Variants in NTRK2 observed in about 807,000 individuals in gnomAD.
NTRK2 encodes the protein neurotrophic receptor tyrosine kinase 2, also known as BDNF/NT-3 growth factors receptor.
NTRK2 carries 13 observed loss-of-function variants against 94.5 expected under a neutral mutation model. The observed-to-expected ratio is 0.14, with a 90% confidence interval of 0.09 to 0.22. NTRK2 has a LOEUF of 0.22. Ranked by LOEUF, NTRK2 falls within the 10% of genes least tolerant of loss-of-function variation. The pLI, the probability that NTRK2 is intolerant of heterozygous loss-of-function variation, is 1.00. For missense variants in NTRK2, 639 were observed against 1,071.2 expected, an observed-to-expected ratio of 0.60 and a Z score of 5.63; for synonymous variants, 372 against 407.4, an observed-to-expected ratio of 0.91 and a Z score of 1.05.
chr9:84,902,291 G>A lies in NTRK2; in HGVS notation c.1634-31871G>A, dbSNP rs542405082. ...GATCTTTGTCTTTTTCCTACAATGA[G>A]AAGGCAGAAAACTTCAAAAGATTCT... On this transcript the variant is annotated intron_variant, in intron 14 of 18. Transcript: ENST00000277120. Among the ~76,000 whole-genome samples, 5 of 151,852 alleles carry A rather than the reference G, an allele frequency of 3.3e-5. No individual in the cohort carries two copies. In the East Asian group the frequency reaches 9.7e-4, roughly 29 times the overall value.
intron 17 of NTRK2, among the ~76,000 whole-genome samples, chr9:84,975,769 C>T (rs531637835): frequency 1.3e-5 from 2 of 151,538 alleles, no homozygotes; most frequent in South Asian, 4.2e-4. Flanking sequence ...GTGATATTCA[C>T]ACAAATTGTG....
intron 15 of NTRK2, among the ~76,000 whole-genome samples, chr9:84,934,642 A>G (rs1410031470): frequency 6.6e-6 from 1 of 152,190 alleles, no homozygotes; most frequent in Non-Finnish European, 1.5e-5. Context: ...TCAAATTGTT[A>G]GGTGCTTGTT....
At chr9:84,694,049 C>A (rs1369140023) in intron 2 of NTRK2, among the ~76,000 whole-genome samples, 1 of 152,154 alleles carries the variant, frequency 6.6e-6, no homozygotes, top group Non-Finnish European at 1.5e-5. Flanking sequence ...TGTAAAGGTC[C>A]ATTGTGCAAA....
rs530363823 is a variant in NTRK2, at chr9:84,865,972, G to T, written c.1445-1271G>T. Among the ~76,000 whole-genome samples the T allele has an allele frequency of 2.6e-5, 4 of 152,294 alleles. No homozygotes were observed. In the South Asian group the frequency reaches 8.3e-4, roughly 32 times the overall value. On this transcript the variant is annotated intron_variant, in intron 13 of 18. Coordinates refer to ENST00000277120, the MANE Select transcript of NTRK2 (RefSeq NM_006180.6). ...GAGTTTAGTGGCTAATGGGTAAATT[G>T]TTTAGACAAGATACAGTAGACTGTA...
At chr9:84,727,169 G>A (rs1274684749) in intron 8 of NTRK2, among the ~76,000 whole-genome samples, 4 of 152,104 alleles carry the variant, frequency 2.6e-5, no homozygotes, top group Admixed American at 1.3e-4. Flanking sequence ...ATCTGTTTTC[G>A]AAGTTATGTG....
chr9:84,832,629 CTA>C (rs2073624725), intron 12 of NTRK2, among the ~76,000 whole-genome samples: 1 of 152,200 alleles, frequency 6.6e-6, no homozygotes, highest in African/African-American at 2.4e-5. Flanking sequence ...GCATTAATGT[CTA>C]TGGCTCCAGC....
intron 14 of NTRK2, among the ~76,000 whole-genome samples, chr9:84,897,280 G>T (rs770724291): frequency 1.3e-5 from 2 of 152,144 alleles, no homozygotes; most frequent in Non-Finnish European, 2.9e-5. Flanking sequence ...GGGATTACAG[G>T]CACGCACCAC....
intron 17 of NTRK2, among the ~76,000 whole-genome samples, chr9:84,999,169 C>T (rs1830077355): frequency 1.3e-5 from 2 of 149,472 alleles, no homozygotes; most frequent in African/African-American, 5.0e-5. Context: ...ATTTGAGCGT[C>T]TGTTTTATCC....
chr9:84,702,292 T>G, intron 3 of NTRK2, 56 bp from the exon 4 acceptor site: 2 of 1,608,452 alleles, frequency 1.2e-6, no homozygotes, highest in Middle Eastern at 1.7e-4. Context: ...TCTGCTCTGG[T>G]CAGGCAGGCA....
intron 12 of NTRK2, chr9:84,812,407 C>A: frequency 9.5e-7 from 1 of 1,056,942 alleles, no homozygotes; most frequent in Non-Finnish European, 1.1e-6. Context: ...TCAAGTTTTC[C>A]TCCTAACTCC....
chr9:84,925,193 CTCT>C (rs1234093728), intron 14 of NTRK2, among the ~76,000 whole-genome samples: 5 of 147,378 alleles, frequency 3.4e-5, no homozygotes, highest in South Asian at 2.2e-4. Flanking sequence ...TTCTTCTCTT[CTCT>C]TCTTCTTTTT....
At chr9:84,757,763 T>C (rs554027010) in intron 12 of NTRK2, among the ~76,000 whole-genome samples, 1 of 152,360 alleles carries the variant, frequency 6.6e-6, no homozygotes, top group East Asian at 1.9e-4. Context: ...TTATTTGACT[T>C]TTCTTCTTTT....
chr9:84,798,015 C>T (rs1474735880), intron 12 of NTRK2, among the ~76,000 whole-genome samples: 4 of 148,892 alleles, frequency 2.7e-5, no homozygotes, highest in South Asian at 2.1e-4. Context: ...TTAGTCTTGC[C>T]GCTATAACAA....
intron 17 of NTRK2, among the ~76,000 whole-genome samples, chr9:85,015,282 A>G (rs1426182636): frequency 6.6e-6 from 1 of 152,138 alleles, no homozygotes; most frequent in Non-Finnish European, 1.5e-5. Flanking sequence ...AAACCGAGAC[A>G]TGGGGTTTCT....
chr9:84,814,276 A>G (rs963306163), intron 12 of NTRK2: 2 of 1,065,266 alleles, frequency 1.9e-6, no homozygotes, highest in Admixed American at 5.3e-5. Flanking sequence ...GCATCTCCTC[A>G]GACAGAGCAG....
At chr9:84,774,934 G>A (rs1445557061) in intron 12 of NTRK2, among the ~76,000 whole-genome samples, 1 of 152,162 alleles carries the variant, frequency 6.6e-6, no homozygotes, top group Non-Finnish European at 1.5e-5. Flanking sequence ...AGACAGTGGT[G>A]GAAGGAAAAG....
chr9:84,721,381 T>G (rs1465957537), intron 6 of NTRK2, among the ~76,000 whole-genome samples: 1 of 152,090 alleles, frequency 6.6e-6, no homozygotes, highest in Non-Finnish European at 1.5e-5. Context: ...TTTCACTATG[T>G]TGTTTAGGCT....
At position 84,814,356 on chromosome 9, in the gene NTRK2, G is replaced by A. The variant is rs1211225623; in HGVS notation, c.1397-46684G>A. 6.6e-6 allele frequency: 7 copies of A among 1,065,196 alleles called. No individual in the cohort carries two copies. In the South Asian group the frequency reaches 1.8e-4, roughly 28 times the overall value. 66.0% of individuals were successfully genotyped at this position (1,065,196 alleles called of 1,614,324 possible). ...GCTGAAGACAGAAAACCAGTTTCAC[G>A]CCAGGTGCGAGAGAGAGCATAATGG... is the stretch of plus-strand genomic sequence containing the variant. On this transcript the variant is annotated intron_variant, in intron 12 of 18. Transcript: ENST00000277120.
chr9:84,917,844 T>G (rs183553132), intron 14 of NTRK2, among the ~76,000 whole-genome samples: 15 of 152,320 alleles, frequency 9.8e-5, no homozygotes, highest in Admixed American at 5.2e-4. Flanking sequence ...AAATCCTGTT[T>G]GCATTGATTG....
Sources: gnomAD v4.1 joint callset for allele counts (sites outside exome capture counted in the v4.1 genomes callset) on GRCh38, gnomAD v4.1.1 for gene constraint, MANE v1.5 for transcripts, NCBI Gene and HGNC (gene_info 2026-07-23, HGNC 2026-07-21) for gene names.